The following GAREM1 variants were observed in gnomAD, a reference collection of about 807,000 sequenced individuals.
GAREM1 encodes GRB2-associated and regulator of MAPK protein 1.
A neutral mutation model predicts 71.3 loss-of-function variants in GAREM1; 26 were observed. The ratio of observed to expected loss-of-function variants is 0.36; its 90% CI spans 0.27 to 0.51. The LOEUF is 0.51. Ranked by LOEUF, GAREM1 falls within the 20% of genes least tolerant of loss-of-function variation. GAREM1 has a pLI of 0.95. For missense variants in GAREM1, 1,026 were observed against 1,103.1 expected, an observed-to-expected ratio of 0.93 and a Z score of 0.99; for synonymous variants, 440 against 433.2, an observed-to-expected ratio of 1.02 and a Z score of -0.20.
chr18:32,376,959 A>G (rs1196914819), intron 2 of GAREM1, among the ~76,000 whole-genome samples: 1 of 152,264 alleles, frequency 6.6e-6, no homozygotes, highest in East Asian at 1.9e-4. Context: ...TGTGTTAGCT[A>G]TAACTCTTCT....
chr18:32,451,486 C>A (rs2048840265), intron 1 of GAREM1, among the ~76,000 whole-genome samples: 1 of 152,118 alleles, frequency 6.6e-6, no homozygotes, highest in Non-Finnish European at 1.5e-5. Context: ...CATTAGTACC[C>A]AAGTCAGTAA....
intron 1 of GAREM1, among the ~76,000 whole-genome samples, chr18:32,401,762 G>A (rs1229871510): frequency 3.3e-5 from 5 of 152,150 alleles, no homozygotes; most frequent in East Asian, 1.9e-4. Flanking sequence ...GTTGTTTTCC[G>A]CAACTAAATT....
intron 1 of GAREM1, among the ~76,000 whole-genome samples, chr18:32,454,015 G>A (rs2048865734): frequency 6.6e-6 from 1 of 152,038 alleles, no homozygotes. Flanking sequence ...ATTCTTTAAA[G>A]TTGGAAAACG....
intron 3 of GAREM1, among the ~76,000 whole-genome samples, chr18:32,303,001 A>C (rs560513958): frequency 6.6e-6 from 1 of 152,280 alleles, no homozygotes; most frequent in Admixed American, 6.5e-5. Flanking sequence ...TGGGCAGACC[A>C]CGCACGCAGT....
Position 32,287,086 on chromosome 18 carries a change from A to C in GAREM1, c.1511T>G (p.Val504Gly). 1 of 1,614,222 alleles carries C rather than the reference A, an allele frequency of 6.2e-7. No individual in the cohort carries two copies. Among genetic ancestry groups the C allele is most frequent in the East Asian group, 2.2e-5 (1 of 44,874 alleles). Reference sequence around the variant, plus strand: ...AGGTAGGGCAGTATCTGAAGACTTCACTGCTGCTCCCAGAGTCCCAGGGAT... The same window carrying C: ...AGGTAGGGCAGTATCTGAAGACTTCCCTGCTGCTCCCAGAGTCCCAGGGAT... ...LPIPGTLGAA[V>G]KSSDTALPPP... is the part of the protein sequence containing the mutation. Residue 504 changes from valine to glycine, a missense_variant, in exon 4 of 6, where the codon GTG becomes GGG. By Grantham distance (109) the Val-to-Gly change is moderately radical. Coordinates refer to ENST00000269209, the MANE Select transcript of GAREM1 (RefSeq NM_001242409.2). This position sits in a 1 kb window ranked among gnomAD's most constrained non-coding sequence, Gnocchi z 5.9.
chr18:32,267,829 G>A lies in GAREM1; in HGVS notation c.*42C>T, dbSNP rs201867603. 5.9e-6 allele frequency: 9 copies of A among 1,513,348 alleles called. No homozygotes were observed. In the East Asian group the frequency reaches 9.1e-5, roughly 15 times the overall value. 93.7% of individuals were successfully genotyped at this position (1,513,348 alleles called of 1,614,324 possible). A position where few individuals can be genotyped will look rare whatever the true frequency, so the allele number is the denominator to read the frequency against. ...TCCCAGCCCACCCCTTCTAGCACAC[G>A]CATTGATCAGTTTTGTTCCATGCTG... On this transcript the variant is annotated 3_prime_UTR_variant, in exon 6 of 6. Coordinates refer to ENST00000269209, the MANE Select transcript of GAREM1 (RefSeq NM_001242409.2).
chr18:32,289,800 C>T (rs912179470), intron 3 of GAREM1, among the ~76,000 whole-genome samples: 3 of 152,162 alleles, frequency 2.0e-5, no homozygotes, highest in African/African-American at 7.2e-5. Context: ...ATGCCCAGGA[C>T]AGCTCCCCAC....
At chr18:32,465,454 A>C (rs1230317925) in intron 1 of GAREM1, among the ~76,000 whole-genome samples, 1 of 152,102 alleles carries the variant, frequency 6.6e-6, no homozygotes, top group African/African-American at 2.4e-5. Context: ...CAAAGTAAGG[A>C]CCAAATTTCC....
At chr18:32,422,414 GTT>G (rs1186256273) in intron 1 of GAREM1, among the ~76,000 whole-genome samples, 7 of 151,910 alleles carry the variant, frequency 4.6e-5, no homozygotes, top group Non-Finnish European at 1.5e-5. Flanking sequence ...TCTTCCCCAG[GTT>G]TCTTTTAACT....
At chr18:32,286,745 C>T (rs1017165010) in intron 4 of GAREM1, among the ~76,000 whole-genome samples, 1 of 152,192 alleles carries the variant, frequency 6.6e-6, no homozygotes, top group African/African-American at 2.4e-5. Flanking sequence ...CTGCTTCCCA[C>T]CTTCTACTCT....
At chr18:32,393,710 A>T (rs1049526825) in intron 1 of GAREM1, among the ~76,000 whole-genome samples, 33 of 152,236 alleles carry the variant, frequency 2.2e-4, no homozygotes, top group African/African-American at 7.0e-4. Flanking sequence ...ATAGCATACA[A>T]ATGAAATTTC....
At chr18:32,438,613 AC>A (rs1367439479) in intron 1 of GAREM1, among the ~76,000 whole-genome samples, 1 of 152,234 alleles carries the variant, frequency 6.6e-6, no homozygotes, top group Non-Finnish European at 1.5e-5. Context: ...CCTGATAATT[AC>A]ACTTAAATAC....
intron 1 of GAREM1, among the ~76,000 whole-genome samples, chr18:32,439,766 C>A (rs1447390062): frequency 1.3e-5 from 2 of 152,142 alleles, no homozygotes; most frequent in South Asian, 2.1e-4. Context: ...GCCTTAGCAT[C>A]CATCATTCCC....
intron 2 of GAREM1, among the ~76,000 whole-genome samples, chr18:32,382,399 T>G (rs1357651345): frequency 6.6e-6 from 1 of 151,978 alleles, no homozygotes; most frequent in Non-Finnish European, 1.5e-5. Context: ...ATTTCTCTAT[T>G]GGGTGGTGGC....
chr18:32,397,322 T>TAGGCTAA (rs1260270385), intron 1 of GAREM1, among the ~76,000 whole-genome samples: 9 of 152,228 alleles, frequency 5.9e-5, no homozygotes, highest in Non-Finnish European at 1.0e-4. Context: ...TAAATGTAAA[T>TAGGCTAA]AGGCTAAATC....
At chr18:32,427,353 A>C (rs1253910472) in intron 1 of GAREM1, among the ~76,000 whole-genome samples, 1 of 152,210 alleles carries the variant, frequency 6.6e-6, no homozygotes, top group African/African-American at 2.4e-5. Flanking sequence ...ATTTATAGAT[A>C]AGAAAAACTT....
intron 3 of GAREM1, among the ~76,000 whole-genome samples, chr18:32,305,285 A>T (rs1030315322): frequency 1.3e-5 from 2 of 151,992 alleles, no homozygotes; most frequent in African/African-American, 4.8e-5. Context: ...CTCATCTCCC[A>T]CTTTCTGTTT....
chr18:32,355,089 C>T (rs1216666648), intron 2 of GAREM1, among the ~76,000 whole-genome samples: 3 of 152,120 alleles, frequency 2.0e-5, no homozygotes, highest in Non-Finnish European at 4.4e-5. Flanking sequence ...AAAGAATGTG[C>T]TGAGAATTTG....
At position 32,266,132 on chromosome 18, in the gene GAREM1, T is replaced by C. The variant is rs986959845; in HGVS notation, c.*1739A>G. 1 of 152,118 alleles carries C rather than the reference T, an allele frequency of 6.6e-6. No individual in the cohort carries two copies. Among genetic ancestry groups the C allele is most frequent in the East Asian group, 1.9e-4 (1 of 5,198 alleles). The allele number at this position is 152,118 out of a possible 1,614,324, so 9.4% of individuals were successfully genotyped here. On this transcript the variant is annotated 3_prime_UTR_variant, in exon 6 of 6. Coordinates refer to ENST00000269209, the MANE Select transcript of GAREM1 (RefSeq NM_001242409.2). ...ACGTTAGGAGAAAAAAAATGCTTTTTTTTTTGATAAAGGAGATCTAAGATG... is the reference window on the plus strand; with the variant it reads ...ACGTTAGGAGAAAAAAAATGCTTTTCTTTTTGATAAAGGAGATCTAAGATG...
Sources: allele counts gnomAD v4.1 joint callset (sites outside exome capture counted in the v4.1 genomes callset), GRCh38; gene constraint gnomAD v4.1.1; non-coding constraint Gnocchi (gnomAD v3.1); transcripts MANE v1.5; gene names NCBI Gene and HGNC (gene_info 2026-07-23, HGNC 2026-07-21).